The following EMC3 variants were observed in gnomAD, a reference collection of about 807,000 sequenced individuals.
The protein encoded by EMC3 is 30 kDa protein.
A neutral mutation model predicts 36.6 loss-of-function variants in EMC3; 13 were observed. That is an observed-to-expected ratio of 0.35 (90% confidence interval 0.23 to 0.56). EMC3 has a LOEUF of 0.56. EMC3 is among the 20% of genes least tolerant of loss of function. The pLI is 0.84. For missense variants in EMC3, 220 were observed against 324.5 expected, an observed-to-expected ratio of 0.68 and a Z score of 2.47; for synonymous variants, 120 against 111.9, an observed-to-expected ratio of 1.07 and a Z score of -0.46.
intron 1 of EMC3, among the ~76,000 whole-genome samples, chr3:9,977,900 T>C (rs746250909): frequency 1.3e-5 from 2 of 151,792 alleles, no homozygotes; most frequent in Non-Finnish European, 1.5e-5. Flanking sequence ...GATGGACAAA[T>C]AGAAAATCTA....
At chr3:10,008,317 C>G in intron 1 of EMC3, 4 of 1,026,696 alleles carry the variant, frequency 3.9e-6, no homozygotes, top group Non-Finnish European at 5.4e-6. Context: ...GCCCATAGAG[C>G]TGGGCTGGGT....
chr3:9,990,170 G>A (rs1273089613), upstream of EMC3, among the ~76,000 whole-genome samples: 2 of 150,206 alleles, frequency 1.3e-5, no homozygotes, highest in African/African-American at 2.5e-5. Flanking sequence ...GACTACAGGC[G>A]CCTGCCACCA....
chr3:9,990,430 G>A (rs1173460859), upstream of EMC3, among the ~76,000 whole-genome samples: 1 of 149,840 alleles, frequency 6.7e-6, no homozygotes, highest in East Asian at 2.0e-4. Context: ...AAACACCCGG[G>A]TTCAAGCGAT....
At chr3:9,973,752 T>C (rs766329666) in intron 4 of EMC3, 43 bp from the exon 5 acceptor site, 1 of 1,562,534 alleles carries the variant, frequency 6.4e-7, no homozygotes, top group South Asian at 1.1e-5. Context: ...AGCTGTTTTA[T>C]TTTTAGAATA....
At chr3:9,989,773 A>G (rs9827322), upstream of EMC3, among the ~76,000 whole-genome samples, 3 of 152,046 alleles carry the variant, frequency 2.0e-5, no homozygotes, top group Non-Finnish European at 2.9e-5. Flanking sequence ...TATAAATATA[A>G]ATATAATTTG....
chr3:10,010,632 C>T (rs1209057189), intron 1 of EMC3, among the ~76,000 whole-genome samples: 2 of 152,228 alleles, frequency 1.3e-5, no homozygotes, highest in East Asian at 1.9e-4. Flanking sequence ...TGTCTGTCTT[C>T]TCTGTCCCTG....
rs1225094075 is a variant in EMC3, at chr3:10,003,103, G to A, written c.-242+7920C>T. 6.6e-6 allele frequency: 3 copies of A among 456,646 alleles called. No homozygotes were observed. In the Admixed American group the frequency reaches 7.0e-5, roughly 11 times the overall value. The allele number at this position is 456,646 out of a possible 1,614,324, so 28.3% of individuals were successfully genotyped here. ...TACCCAGAGCAACAGCAGCAGTGGT[G>A]CAGACCCAGAAACCTCTGGCTCACC... On this transcript the variant is annotated intron_variant, in intron 1 of 8. Transcript: ENST00000470827.
At chr3:9,992,542 A>G (rs1405480542) in intron 1 of EMC3, among the ~76,000 whole-genome samples, 2 of 152,218 alleles carry the variant, frequency 1.3e-5, no homozygotes, top group African/African-American at 4.8e-5. Context: ...TTCACAAAGT[A>G]ATTTTTCTAG....
At chr3:9,987,076 G>A, upstream of EMC3, 3 of 878,990 alleles carry the variant, frequency 3.4e-6, no homozygotes, top group Non-Finnish European at 2.8e-6. Flanking sequence ...TTAGCCAGGC[G>A]TGGTGGAGGC....
At chr3:9,972,477 A>C (rs1232757253) in intron 5 of EMC3, among the ~76,000 whole-genome samples, 9 of 151,668 alleles carry the variant, frequency 5.9e-5, no homozygotes, top group African/African-American at 1.7e-4. Context: ...AAAAAAAAAA[A>C]AAAAAAACTC....
chr3:9,996,430 G>A (rs537488089), intron 1 of EMC3, among the ~76,000 whole-genome samples: 13 of 152,196 alleles, frequency 8.5e-5, no homozygotes, highest in South Asian at 2.1e-4. Context: ...GGGCAACAGA[G>A]TGAGACTCTA....
At chr3:10,005,684 G>A (rs1052220340) in intron 1 of EMC3, among the ~76,000 whole-genome samples, 1 of 152,166 alleles carries the variant, frequency 6.6e-6, no homozygotes, top group Admixed American at 6.5e-5. Flanking sequence ...GCCAGAAGAT[G>A]CCACTGATAC....
At chr3:9,998,119 G>C (rs1371752171) in intron 1 of EMC3, among the ~76,000 whole-genome samples, 2 of 151,698 alleles carry the variant, frequency 1.3e-5, no homozygotes, top group African/African-American at 4.8e-5. Context: ...GTAATCCCAG[G>C]ACTTTGGGAG....
upstream of EMC3, chr3:9,987,373 A>AG: frequency 1.1e-6 from 1 of 902,368 alleles, no homozygotes; most frequent in Non-Finnish European, 1.3e-6. Flanking sequence ...TCCGCGCCCC[A>AG]AGCCTCGGCT....
At chr3:9,991,163 T>G (rs1299442531), upstream of EMC3, among the ~76,000 whole-genome samples, 2 of 152,198 alleles carry the variant, frequency 1.3e-5, no homozygotes, top group Admixed American at 6.5e-5. Flanking sequence ...GGTCTTGCTG[T>G]GTTTCCCAGG....
At chr3:10,007,378 C>T in intron 1 of EMC3, 3 of 1,364,818 alleles carry the variant, frequency 2.2e-6, no homozygotes, top group South Asian at 1.1e-5. Context: ...ATCCTGAAGC[C>T]CTGGGAACCA....
chr3:9,986,032 G>A (rs192137828), intron 1 of EMC3, among the ~76,000 whole-genome samples: 1,637 of 152,248 alleles, frequency 0.011, 23 homozygotes, highest in Non-Finnish European at 0.018. Context: ...AAAGCGCTTT[G>A]GTACTTGGCA....
rs565117696 is a variant in EMC3, at chr3:9,975,920, T to G, written c.307+1037A>C. On this transcript the variant is annotated intron_variant, in intron 3 of 7. Coordinates refer to ENST00000245046, the MANE Select transcript of EMC3 (RefSeq NM_001394674.1). ...ATATTTAATGGTCTTTTGTTTCTTGTAAATTTTCTTAAAAATTTGTTAAAA... is the reference window on the plus strand; with the variant it reads ...ATATTTAATGGTCTTTTGTTTCTTGGAAATTTTCTTAAAAATTTGTTAAAA... 4.6e-5 allele frequency among the ~76,000 whole-genome samples: 7 copies of G among 152,208 alleles called. No homozygotes were observed. The East Asian group carries it at 1.3e-3, about 29-fold the overall frequency.
At chr3:9,995,569 T>G (rs542652366) in intron 1 of EMC3, among the ~76,000 whole-genome samples, 10 of 150,806 alleles carry the variant, frequency 6.6e-5, no homozygotes, top group East Asian at 1.9e-4. Flanking sequence ...TGAATCCCCT[T>G]AGAATGGCCA....
Sources: allele counts gnomAD v4.1 joint callset (sites outside exome capture counted in the v4.1 genomes callset), GRCh38; gene constraint gnomAD v4.1.1; transcripts MANE v1.5; gene names NCBI Gene and HGNC (gene_info 2026-07-23, HGNC 2026-07-21).